Variants in NCAM1 observed in about 807,000 individuals in gnomAD.
NCAM1 encodes the protein neural cell adhesion molecule 1, also known as antigen recognized by monoclonal antibody 5.1H11.
Under a neutral mutation model 109.8 loss-of-function variants are expected in NCAM1, and 14 were observed. The observed-to-expected ratio is 0.13, with a 90% CI of 0.08 to 0.20. The LOEUF is 0.20. Among genes scored for constraint, NCAM1 ranks in the 10% least tolerant of loss-of-function variants. NCAM1 has a pLI of 1.00. For synonymous variants in NCAM1, 418 were observed against 442.9 expected, an observed-to-expected ratio of 0.94 and a Z score of 0.70; for missense variants, 774 against 1,109.9, an observed-to-expected ratio of 0.70 and a Z score of 4.30.
chr11:113,039,600 AT>A (rs1398119312), intron 1 of NCAM1, among the ~76,000 whole-genome samples: 1 of 152,212 alleles, frequency 6.6e-6, no homozygotes, highest in African/African-American at 2.4e-5. Flanking sequence ...TAGACACAGG[AT>A]GTAAGTTGAA....
chr11:113,235,668 A>C (rs1486040674), intron 14 of NCAM1, among the ~76,000 whole-genome samples: 1 of 152,226 alleles, frequency 6.6e-6, no homozygotes, highest in Admixed American at 6.5e-5. Flanking sequence ...AACCCAGCAA[A>C]GCCAAGGGGA....
In NCAM1 at chr11:113,277,013, C is replaced by T. The variant is rs1193215058; in HGVS notation, c.*1626C>T. On this transcript the variant is annotated 3_prime_UTR_variant, in exon 20 of 20. Coordinates refer to ENST00000316851, the MANE Select transcript of NCAM1 (RefSeq NM_181351.5). ...CATAGTTTGGTTGTGGAAGGTATAGCAGATAGTTCAGAAAAAATATTCAGG... is the reference window on the plus strand; with the variant it reads ...CATAGTTTGGTTGTGGAAGGTATAGTAGATAGTTCAGAAAAAATATTCAGG... The T allele has an allele frequency of 4.1e-6, 1 of 241,100 alleles. No homozygotes were observed. The highest frequency in any genetic ancestry group is 7.9e-6 in the Non-Finnish European group (1 of 126,354). 14.9% of individuals were successfully genotyped at this position (241,100 alleles called of 1,614,324 possible). A position where few individuals can be genotyped will look rare whatever the true frequency, so the allele number is the denominator to read the frequency against.
intron 1 of NCAM1, among the ~76,000 whole-genome samples, chr11:113,161,350 A>G (rs1402339179): frequency 6.6e-6 from 1 of 152,290 alleles, no homozygotes; most frequent in Admixed American, 6.5e-5. Flanking sequence ...GGTGCATGTC[A>G]TACCTTGGAC....
chr11:113,098,325 C>T (rs1368538377), intron 1 of NCAM1, among the ~76,000 whole-genome samples: 1 of 152,100 alleles, frequency 6.6e-6, no homozygotes, highest in African/African-American at 2.4e-5. Context: ...TGTAAAATGG[C>T]AATAGTATTT....
intron 1 of NCAM1, among the ~76,000 whole-genome samples, chr11:113,143,385 G>A (rs907368227): frequency 9.2e-5 from 14 of 152,228 alleles, no homozygotes; most frequent in African/African-American, 2.9e-4. Flanking sequence ...AGATTATTCC[G>A]GTGGTTTTTT....
At chr11:112,994,493 T>G (rs1006809902) in intron 1 of NCAM1, among the ~76,000 whole-genome samples, 5 of 152,254 alleles carry the variant, frequency 3.3e-5, no homozygotes, top group Non-Finnish European at 7.3e-5. Context: ...TGGTGGCTCT[T>G]TTCAATGAGA....
chr11:113,243,073 C>T (rs1300964556), intron 14 of NCAM1: 14 of 759,338 alleles, frequency 1.8e-5, no homozygotes, highest in Admixed American at 6.3e-5. Flanking sequence ...AAGAATACTC[C>T]GTGCATGAGG....
At chr11:112,978,747 A>G (rs1951072610) in intron 1 of NCAM1, among the ~76,000 whole-genome samples, 1 of 151,828 alleles carries the variant, frequency 6.6e-6, no homozygotes, top group African/African-American at 2.4e-5. Context: ...TGCACAGATT[A>G]TGGCATTTCC....
At chr11:113,204,168 T>G in intron 2 of NCAM1, 118 bp from the exon 3 acceptor site, 1 of 821,572 alleles carries the variant, frequency 1.2e-6, no homozygotes, top group South Asian at 1.8e-5. Context: ...CTCCCTGATG[T>G]TCAAGCCTTG....
rs2846437 is a variant in NCAM1, at chr11:113,267,517, G to A, written c.2132-2671G>A. 9.8e-3 allele frequency among the ~76,000 whole-genome samples: 1,489 copies of A among 152,100 alleles called. 23 individuals carry two copies. Among genetic ancestry groups the A allele is most frequent in the African/African-American group, 0.033 (1,380 of 41,442 alleles). On this transcript the variant is annotated intron_variant, in intron 17 of 19. Coordinates refer to ENST00000316851, the MANE Select transcript of NCAM1 (RefSeq NM_181351.5). ...ACAACAGAGAGCCACCCTGGAGGGA[G>A]TGTTCCAGGCACAGAATCATCAAGG...
chr11:112,961,890 C>G (rs538275712), intron 1 of NCAM1, among the ~76,000 whole-genome samples: 1 of 152,130 alleles, frequency 6.6e-6, no homozygotes, highest in Non-Finnish European at 1.5e-5. Context: ...GCGCCCGGCG[C>G]CCCTCCGGCG....
intron 1 of NCAM1, among the ~76,000 whole-genome samples, chr11:113,131,276 G>C (rs1385919567): frequency 6.6e-6 from 1 of 152,176 alleles, no homozygotes; most frequent in East Asian, 1.9e-4. Flanking sequence ...CCCTGTCATG[G>C]CCTGTCAGGA....
intron 1 of NCAM1, among the ~76,000 whole-genome samples, chr11:113,092,131 G>A (rs940973951): frequency 6.6e-6 from 1 of 152,022 alleles, no homozygotes; most frequent in African/African-American, 2.4e-5. Context: ...GCAGCTTTTA[G>A]CTTGCTGTGG....
At chr11:112,981,313 A>G (rs1387432620) in intron 1 of NCAM1, among the ~76,000 whole-genome samples, 1 of 151,978 alleles carries the variant, frequency 6.6e-6, no homozygotes, top group Non-Finnish European at 1.5e-5. Context: ...ATAAAGCGGT[A>G]CACAATAGAT....
chr11:113,108,247 C>T (rs998835980), intron 1 of NCAM1, among the ~76,000 whole-genome samples: 7 of 151,996 alleles, frequency 4.6e-5, no homozygotes, highest in Admixed American at 6.5e-5. Context: ...TGTGTGAGGG[C>T]GAGGTAAGCA....
intron 1 of NCAM1, among the ~76,000 whole-genome samples, chr11:113,006,646 T>C (rs1555073380): frequency 6.6e-6 from 1 of 152,200 alleles, no homozygotes; most frequent in Non-Finnish European, 1.5e-5. Context: ...GTGTCAATTA[T>C]GGCAGAAAGT....
At position 113,207,341 on chromosome 11, in the gene NCAM1, G is replaced by T. The variant is rs1944268535; in HGVS notation, c.709G>T (p.Ala237Ser). 1 of 1,613,912 alleles carries T rather than the reference G, an allele frequency of 6.2e-7. No individual in the cohort carries two copies. Among genetic ancestry groups the T allele is most frequent in the African/African-American group, 1.3e-5 (1 of 74,944 alleles). ...CCAGTCCGTCACCCTGGTGTGCGATGCCGAAGGCTTCCCAGAGCCCACCAT... is the reference window on the plus strand; with the variant it reads ...CCAGTCCGTCACCCTGGTGTGCGATTCCGAAGGCTTCCCAGAGCCCACCAT... The part of the protein sequence containing the change: ...LGQSVTLVCD[A>S]EGFPEPTMSW... Residue 237 changes from alanine (A) to serine (S), a missense_variant, in exon 6 of 20, where the codon GCC becomes TCC. Transcript: ENST00000316851.
intron 9 of NCAM1, among the ~76,000 whole-genome samples, chr11:113,224,909 C>T (rs1422598648): frequency 6.6e-6 from 1 of 152,190 alleles, no homozygotes; most frequent in Admixed American, 6.5e-5. Flanking sequence ...ACAGAAAGAA[C>T]ATCCACACCA....
At position 113,231,920 on chromosome 11, in the gene NCAM1, C is replaced by T. The variant is rs1945021099; in HGVS notation, c.1240+125C>T. ...TTCTGCTTACGTTCCCTGCAGCTGA[C>T]CCTGGGCTATTTCAGAGCTCTGTTC... On this transcript the variant is annotated intron_variant, in intron 10 of 19. Transcript: ENST00000316851. 2.7e-5 allele frequency: 35 copies of T among 1,316,252 alleles called. No homozygotes were observed. The South Asian group carries it at 4.5e-4, about 17-fold the overall frequency. The allele number at this position is 1,316,252 out of a possible 1,614,324, so 81.5% of individuals were successfully genotyped here.
Sources: gnomAD v4.1 joint callset for allele counts (sites outside exome capture counted in the v4.1 genomes callset) on GRCh38, gnomAD v4.1.1 for gene constraint, MANE v1.5 for transcripts, NCBI Gene and HGNC (gene_info 2026-07-23, HGNC 2026-07-21) for gene names.